Variants in HOXB7 observed in about 807,000 individuals in gnomAD.
The protein encoded by HOXB7 is homeobox B7.
HOXB7 carries 11 observed loss-of-function variants against 19.2 expected under a neutral mutation model. That is an observed-to-expected ratio of 0.57 (90% CI 0.36 to 0.95). The LOEUF (loss-of-function observed/expected upper bound fraction) is 0.95. Ranked by LOEUF, HOXB7 falls within the 40% of genes least tolerant of loss-of-function variation. The pLI is 0.01. For synonymous variants in HOXB7, 141 were observed against 130.2 expected, an observed-to-expected ratio of 1.08 and a Z score of -0.56; for missense variants, 318 against 301.1, an observed-to-expected ratio of 1.06 and a Z score of -0.42.
In HOXB7 at chr17:48,608,005, C is replaced by A. The variant is rs533071036; in HGVS notation, c.491G>T (p.Arg164Leu). Reference sequence around the variant, plus strand: ...GTGCGCGATCTCGATGCGCCGCCGCCGCGTCAGGTAGCGATTGTAGTGAAA... The same window carrying A: ...GTGCGCGATCTCGATGCGCCGCCGCAGCGTCAGGTAGCGATTGTAGTGAAA... ...KEFHYNRYLT[R>L]RRRIEIAHTL... Residue 164 changes from arginine (R) to leucine (L), a missense_variant, in exon 2 of 2, where the codon CGG (arginine) becomes CTG (leucine). Physicochemically the swap from Arg to Leu is moderately radical, Grantham distance 102. Transcript: ENST00000239165. The A allele has an allele frequency of 8.7e-6, 14 of 1,614,202 alleles. No homozygotes were observed. In the African/African-American group the frequency reaches 1.6e-4, roughly 18 times the overall value.
At position 48,607,986 on chromosome 17, in the gene HOXB7, G is replaced by A. The variant is rs62637586; in HGVS notation, c.510C>T (p.Ile170=). ...TTTCCGTGAGGCAGAGCGTGTGCGC[G>A]ATCTCGATGCGCCGCCGCCGCGTCA... ...RYLTRRRRIE[I]AHTLCLTERQ... is the part of the protein sequence containing the mutation. The change falls in exon 2 of 2, where the codon ATC becomes ATT. Residue 170 remains isoleucine, a synonymous_variant. Coordinates refer to ENST00000239165, the MANE Select transcript of HOXB7 (RefSeq NM_004502.4). 1.6e-5 allele frequency: 26 copies of A among 1,614,010 alleles called. No individual in the cohort carries two copies. In the South Asian group the frequency reaches 2.7e-4, roughly 17 times the overall value.
chr17:48,608,662 G>C (rs2070614396), intron 1 of HOXB7, among the ~76,000 whole-genome samples: 2 of 152,258 alleles, frequency 1.3e-5, no homozygotes, highest in East Asian at 3.9e-4. Flanking sequence ...GTCTTTTTTA[G>C]CCTGGAGCTT....
intron 1 of HOXB7, among the ~76,000 whole-genome samples, chr17:48,609,894 C>T (rs929255407): frequency 1.1e-4 from 16 of 152,278 alleles, no homozygotes; most frequent in Non-Finnish European, 1.9e-4. Flanking sequence ...GCCTCAGCCC[C>T]CTCCCTCCAC....
chr17:48,610,511 G>C lies in HOXB7; in HGVS notation c.400+8C>G. The C allele has an allele frequency of 6.8e-7, 1 of 1,474,570 alleles. No homozygotes were observed. Among genetic ancestry groups the C allele is most frequent in the Non-Finnish European group, 9.0e-7 (1 of 1,106,328 alleles). The allele number at this position is 1,474,570 out of a possible 1,614,324, so 91.3% of individuals were successfully genotyped here. A position where few individuals can be genotyped will look rare whatever the true frequency, so the allele number is the denominator to read the frequency against. On this transcript the variant is annotated splice_region_variant and intron_variant, in intron 1 of 1. Coordinates refer to ENST00000239165, the MANE Select transcript of HOXB7 (RefSeq NM_004502.4). ...TGGGGCTCAGGACAGCTCGGTGCGC[G>C]GCGTTACCTGAGCTTCGCATCCAGG...
intron 1 of HOXB7, among the ~76,000 whole-genome samples, chr17:48,608,749 A>G (rs1186325041): frequency 3.3e-5 from 5 of 152,222 alleles, no homozygotes; most frequent in African/African-American, 1.2e-4. Context: ...GGGGAGGTTA[A>G]TCCTCCTTTC....
Position 48,610,618 on chromosome 17 carries a change from G to C in HOXB7, c.301C>G (p.Pro101Ala). 6.4e-7 allele frequency: 1 copy of C among 1,560,632 alleles called. No homozygotes were observed. Among genetic ancestry groups the C allele is most frequent in the Non-Finnish European group, 8.7e-7 (1 of 1,152,304 alleles). The change falls in exon 1 of 2, where the codon CCC becomes GCC. Residue 101 changes from proline to alanine, a missense_variant. Pro to Ala is a conservative substitution (Grantham distance 27). Coordinates refer to ENST00000239165, the MANE Select transcript of HOXB7 (RefSeq NM_004502.4). ...PFEQNLSGVC[P>A]GDSAKAAGAK... ...CCCGCCGCCTTGGCGGAGTCGCCGG[G>C]ACACACCCCGGAGAGGTTCTGCTCA...
chr17:48,608,219 C>T, intron 1 of HOXB7, 124 bp from the exon 2 acceptor site: 1 of 1,221,192 alleles, frequency 8.2e-7, no homozygotes, highest in Non-Finnish European at 1.1e-6. Flanking sequence ...GTCAGGAGAT[C>T]GAGACCAACC....
At chr17:48,610,306 C>A (rs1256860770) in intron 1 of HOXB7, among the ~76,000 whole-genome samples, 1 of 151,512 alleles carries the variant, frequency 6.6e-6, no homozygotes, top group Non-Finnish European at 1.5e-5. Context: ...AAGAGAGATC[C>A]GCCGGGAAGC....
Position 48,610,505 on chromosome 17 carries a change from G to C in HOXB7, c.400+14C>G, listed in dbSNP as rs1391130781. On this transcript the variant is annotated intron_variant, in intron 1 of 1. Coordinates refer to ENST00000239165, the MANE Select transcript of HOXB7 (RefSeq NM_004502.4). ...GGCCCCTGGGGCTCAGGACAGCTCG[G>C]TGCGCGGCGTTACCTGAGCTTCGCA... The C allele has an allele frequency of 1.4e-6, 2 of 1,471,132 alleles. No homozygotes were observed. The highest frequency in any genetic ancestry group is 2.5e-5 in the East Asian group (1 of 39,512). The allele number at this position is 1,471,132 out of a possible 1,614,324, so 91.1% of individuals were successfully genotyped here. A position where few individuals can be genotyped will look rare whatever the true frequency, so the allele number is the denominator to read the frequency against.
rs1326010076 is a variant in HOXB7 at position 48,610,854 on chromosome 17, G to A, written c.65C>T (p.Ala22Val). The change falls in exon 1 of 2, where the codon GCT (alanine) becomes GTT (valine). Residue 22 changes from alanine to valine, a missense_variant. Coordinates refer to ENST00000239165, the MANE Select transcript of HOXB7 (RefSeq NM_004502.4). ...SKYPASSSVF[A>V]TGAFPEQTSC... ...AGTTTGTTCTGGGAAGGCTCCGGTA[G>A]CGAAAACCGAACTTGAGGCTGGATA... is the stretch of plus-strand genomic sequence containing the variant. The A allele has an allele frequency of 6.5e-7, 1 of 1,545,216 alleles. No individual in the cohort carries two copies. Among genetic ancestry groups the A allele is most frequent in the South Asian group, 1.2e-5 (1 of 82,206 alleles).
chr17:48,609,148 GGA>G (rs2070618064), intron 1 of HOXB7, among the ~76,000 whole-genome samples: 1 of 152,214 alleles, frequency 6.6e-6, no homozygotes, highest in Non-Finnish European at 1.5e-5. Flanking sequence ...CAGGGGAAAA[GGA>G]GAGACAGCAG....
chr17:48,609,039 G>A (rs2070617571), intron 1 of HOXB7, among the ~76,000 whole-genome samples: 1 of 152,256 alleles, frequency 6.6e-6, no homozygotes, highest in African/African-American at 2.4e-5. Context: ...TTCTTTTCCA[G>A]TGAGTGGCTA....
rs2070604366 is a variant in HOXB7, at chr17:48,608,025, G to A, written c.471C>T (p.His157=). The change falls in exon 2 of 2, where the codon CAC becomes CAT. Residue 157 remains histidine (H), a synonymous_variant. Transcript: ENST00000239165. ...GCCGCCGCGTCAGGTAGCGATTGTA[G>A]TGAAATTCTTTCTCCAGCTCCAGGG... ...YQTLELEKEF[H]YNRYLTRRRR... 1.2e-6 allele frequency: 2 copies of A among 1,614,102 alleles called. No homozygotes were observed. Among genetic ancestry groups the A allele is most frequent in the East Asian group, 2.2e-5 (1 of 44,894 alleles).
In HOXB7 at chr17:48,610,543, TC is replaced by T; in HGVS notation, c.375del (p.Ile126SerfsTer37). ...DSDLAAESNFRIYPWMRSSGT... is the reference protein window; with the variant it reads ...DSDLAAESNFXIYPWMRSSGT... ...CCTGAGCTTCGCATCCAGGGGTAGA[TC>T]CGGAAGTTACTCTCGGCCGCCAAGT... On this transcript the variant is annotated frameshift_variant, in exon 1 of 2. Transcript: ENST00000239165. LOFTEE classifies it high-confidence loss of function. 6.6e-7 allele frequency: 1 copy of T among 1,523,208 alleles called. No individual in the cohort carries two copies. The highest frequency in any genetic ancestry group is 8.8e-7 in the Non-Finnish European group (1 of 1,130,144). The allele number at this position is 1,523,208 out of a possible 1,614,324, so 94.4% of individuals were successfully genotyped here. A position where few individuals can be genotyped will look rare whatever the true frequency, so the allele number is the denominator to read the frequency against.
intron 1 of HOXB7, 146 bp from the exon 2 acceptor site, chr17:48,608,241 G>T: frequency 1.0e-6 from 1 of 995,528 alleles, no homozygotes; most frequent in Non-Finnish European, 1.4e-6. Flanking sequence ...GGCTAACACA[G>T]TGAAACCCCG....
At chr17:48,608,428 A>AG (rs1263604733) in intron 1 of HOXB7, 1 of 163,618 alleles carries the variant, frequency 6.1e-6, no homozygotes, top group Admixed American at 6.1e-5. Flanking sequence ...CGTCTCAAAA[A>AG]AAAAAAAAAA....
chr17:48,611,015 A>C lies in HOXB7; in HGVS notation c.-97T>G. On this transcript the variant is annotated 5_prime_UTR_variant, in exon 1 of 2. Transcript: ENST00000239165. The stretch of plus-strand genomic sequence containing the variant: ...AATTAGAGTCCAGATTTACACCAAA[A>C]AGGACCCCCTTTTTCCTCTCCGGAC... The C allele has an allele frequency of 1.8e-6, 2 of 1,086,498 alleles. No homozygotes were observed. The highest frequency in any genetic ancestry group is 1.6e-5 in the African/African-American group (1 of 61,476). The allele number at this position is 1,086,498 out of a possible 1,614,324, so 67.3% of individuals were successfully genotyped here.
In HOXB7 at chr17:48,608,025, G is replaced by T; in HGVS notation, c.471C>A (p.His157Gln). 1 of 1,614,220 alleles carries T rather than the reference G, an allele frequency of 6.2e-7. No homozygotes were observed. Among genetic ancestry groups the T allele is most frequent in the Non-Finnish European group, 8.5e-7 (1 of 1,180,046 alleles). Residue 157 changes from histidine (H) to glutamine (Q), a missense_variant, in exon 2 of 2, where the codon CAC (histidine) becomes CAA (glutamine). By Grantham distance (24) the His-to-Gln change is conservative. Coordinates refer to ENST00000239165, the MANE Select transcript of HOXB7 (RefSeq NM_004502.4). Reference protein sequence around the residue: ...YQTLELEKEFHYNRYLTRRRR... With the variant: ...YQTLELEKEFQYNRYLTRRRR... ...GCCGCCGCGTCAGGTAGCGATTGTA[G>T]TGAAATTCTTTCTCCAGCTCCAGGG...
In HOXB7 at chr17:48,610,811, G is replaced by A; in HGVS notation, c.108C>T (p.Ser36=). The part of the protein sequence containing the change: ...FPEQTSCAFA[S]NPQRPGYGAG... ...CTCCATAGCCCGGGCGCTGGGGGTT[G>A]GAAGCAAACGCACAAGAAGTTTGTT... Residue 36 remains serine, a synonymous_variant, in exon 1 of 2, where the codon TCC becomes TCT. Transcript: ENST00000239165. 4 of 1,592,392 alleles carry A rather than the reference G, an allele frequency of 2.5e-6. No individual in the cohort carries two copies. The highest frequency in any genetic ancestry group is 3.3e-4 in the Middle Eastern group (2 of 5,978).
Sources: gnomAD v4.1 joint callset for allele counts (sites outside exome capture counted in the v4.1 genomes callset) on GRCh38, gnomAD v4.1.1 for gene constraint, MANE v1.5 for transcripts, NCBI Gene and HGNC (gene_info 2026-07-23, HGNC 2026-07-21) for gene names.